The following SNAP23 variants were observed in gnomAD, a reference collection of about 807,000 sequenced individuals.
SNAP23 encodes synaptosome associated protein 23.
A neutral mutation model predicts 29.0 loss-of-function variants in SNAP23; 11 were observed. The observed-to-expected ratio is 0.38, with a 90% CI of 0.24 to 0.63. SNAP23 has a LOEUF of 0.63. SNAP23 is among the 20% of genes least tolerant of loss of function. SNAP23 has a pLI of 0.58. For synonymous variants in SNAP23, 60 were observed against 82.9 expected (o/e 0.72, Z 1.50); for missense variants, 220 against 253.9 (o/e 0.87, Z 0.91).
chr15:42,508,264 A>G (rs1253648458), intron 1 of SNAP23, among the ~76,000 whole-genome samples: 2 of 146,180 alleles, frequency 1.4e-5, no homozygotes. Flanking sequence ...CCTTGCCTCA[A>G]AAAAAAAAAA....
Position 42,528,323 on chromosome 15 carries a change from T to A in SNAP23, c.328T>A (p.Ser110Thr), listed in dbSNP as rs140870830. ...KTTWGDGGEN[S>T]PCNVVSKQPG... ...AACATGGGGAGATGGTGGAGAAAACTCACCTTGCAATGTAGTATCTAAACA... is the reference window on the plus strand; with the variant it reads ...AACATGGGGAGATGGTGGAGAAAACACACCTTGCAATGTAGTATCTAAACA... Residue 110 changes from serine (S) to threonine (T), a missense_variant, in exon 6 of 8, where the codon TCA becomes ACA. By Grantham distance (58) the Ser-to-Thr change is moderately conservative (BLOSUM62 1). Transcript: ENST00000249647. 1.2e-4 allele frequency: 190 copies of A among 1,613,998 alleles called. No homozygotes were observed. The highest frequency in any genetic ancestry group is 1.5e-4 in the Non-Finnish European group (178 of 1,180,026).
At chr15:42,500,563 T>TG (rs1435433805) in intron 1 of SNAP23, among the ~76,000 whole-genome samples, 1 of 152,034 alleles carries the variant, frequency 6.6e-6, no homozygotes, top group Non-Finnish European at 1.5e-5. Context: ...TAATTTTTTG[T>TG]GTTTTTAGGA....
At chr15:42,492,296 A>G (rs928674915), upstream of SNAP23, among the ~76,000 whole-genome samples, 6 of 152,178 alleles carry the variant, frequency 3.9e-5, no homozygotes, top group Non-Finnish European at 8.8e-5. Context: ...AAATGAAATG[A>G]CATTCAGGTT....
intron 5 of SNAP23, among the ~76,000 whole-genome samples, chr15:42,523,114 G>T (rs2057464415): frequency 6.6e-6 from 1 of 150,684 alleles, no homozygotes; most frequent in South Asian, 2.1e-4. Context: ...CCAAAATGCT[G>T]AAATTACAGG....
At chr15:42,506,820 CTTT>C (rs757937962) in intron 1 of SNAP23, among the ~76,000 whole-genome samples, 1 of 140,412 alleles carries the variant, frequency 7.1e-6, no homozygotes, top group Admixed American at 7.2e-5. Context: ...ACAGAAAAAA[CTTT>C]TTTTTTTTTT....
intron 4 of SNAP23, among the ~76,000 whole-genome samples, chr15:42,514,128 T>C (rs1212665596): frequency 4.7e-5 from 7 of 148,962 alleles, no homozygotes. Flanking sequence ...TGTTTTGTTT[T>C]GTTTTGTTTT....
intron 1 of SNAP23, among the ~76,000 whole-genome samples, chr15:42,508,782 C>A (rs1181531579): frequency 6.6e-6 from 1 of 152,052 alleles, no homozygotes; most frequent in Non-Finnish European, 1.5e-5. Flanking sequence ...TGGCAATAAT[C>A]ACCTCTAGGA....
At chr15:42,504,932 T>G (rs2057305162) in intron 1 of SNAP23, among the ~76,000 whole-genome samples, 1 of 152,202 alleles carries the variant, frequency 6.6e-6, no homozygotes, top group Non-Finnish European at 1.5e-5. Context: ...AATAAACCCT[T>G]TGAGTGTAAC....
intron 1 of SNAP23, among the ~76,000 whole-genome samples, chr15:42,507,457 C>T (rs1368303205): frequency 4.6e-5 from 7 of 152,102 alleles, no homozygotes; most frequent in Admixed American, 3.9e-4. Context: ...TTGCATTTTC[C>T]TCTGAAAGGC....
chr15:42,512,545 ATTTT>A (rs1351444212), intron 2 of SNAP23, among the ~76,000 whole-genome samples: 1 of 151,512 alleles, frequency 6.6e-6, no homozygotes, highest in Non-Finnish European at 1.5e-5. Flanking sequence ...CGCCCAGCTA[ATTTT>A]TGTATTTTTA....
At chr15:42,527,219 A>G (rs2057512307) in intron 5 of SNAP23, among the ~76,000 whole-genome samples, 1 of 152,168 alleles carries the variant, frequency 6.6e-6, no homozygotes, top group Non-Finnish European at 1.5e-5. Flanking sequence ...TGTGTGGTCA[A>G]GGTACTTATT....
intron 1 of SNAP23, among the ~76,000 whole-genome samples, chr15:42,508,740 T>C (rs1026040103): frequency 1.3e-5 from 2 of 152,122 alleles, no homozygotes; most frequent in Non-Finnish European, 2.9e-5. Context: ...GCTTTTTTTT[T>C]CCTAGGAAGC....
chr15:42,521,601 A>G (rs933034848), intron 5 of SNAP23: 16 of 1,532,154 alleles, frequency 1.0e-5, no homozygotes, highest in Non-Finnish European at 1.4e-5. Context: ...TAATCTGCTT[A>G]CTAAAAATGA....
At chr15:42,511,146 T>G (rs968158773) in intron 1 of SNAP23, among the ~76,000 whole-genome samples, 3 of 152,226 alleles carry the variant, frequency 2.0e-5, no homozygotes, top group African/African-American at 7.2e-5. Flanking sequence ...ATTTTTTAGC[T>G]TGGATGTCTA....
intron 5 of SNAP23, chr15:42,521,888 T>C (rs1240385675): frequency 2.5e-6 from 1 of 394,376 alleles, no homozygotes; most frequent in Non-Finnish European, 4.5e-6. Context: ...GACAAATGTC[T>C]CTGATAACTA....
At chr15:42,530,301 G>A (rs1441416987) in intron 7 of SNAP23, among the ~76,000 whole-genome samples, 1 of 152,126 alleles carries the variant, frequency 6.6e-6, no homozygotes, top group Non-Finnish European at 1.5e-5. Context: ...GAAAGAGTCC[G>A]TAGGTGAAAA....
chr15:42,531,380 C>T (rs2057562920), intron 7 of SNAP23, 33 bp from the exon 8 acceptor site: 1 of 1,433,468 alleles, frequency 7.0e-7, no homozygotes, highest in Non-Finnish European at 9.3e-7. Flanking sequence ...GAGTTACTTA[C>T]CTTGTAAAGC....
At chr15:42,521,890 T>TGATA (rs1475137117) in intron 5 of SNAP23, 1 of 393,448 alleles carries the variant, frequency 2.5e-6, no homozygotes, top group Admixed American at 4.3e-5. Context: ...CAAATGTCTC[T>TGATA]GATAACTAAG....
chr15:42,508,411 C>T (rs557249545), intron 1 of SNAP23, among the ~76,000 whole-genome samples: 79 of 152,296 alleles, frequency 5.2e-4, no homozygotes, highest in African/African-American at 1.6e-3. Context: ...ACCCTCTGAG[C>T]GACAGCCACA....
Sources: gnomAD v4.1 joint callset for allele counts (sites outside exome capture counted in the v4.1 genomes callset) on GRCh38, gnomAD v4.1.1 for gene constraint, MANE v1.5 for transcripts, NCBI Gene and HGNC (gene_info 2026-07-23, HGNC 2026-07-21) for gene names.